Variants in PXN observed in about 807,000 individuals in gnomAD.
PXN encodes the protein testicular tissue protein Li 134.
A neutral mutation model predicts 103.6 loss-of-function variants in PXN; 61 were observed. The ratio of observed to expected loss-of-function variants is 0.59; its 90% CI spans 0.48 to 0.73. The LOEUF is 0.73. Ranked by LOEUF, PXN falls within the 30% of genes least tolerant of loss-of-function variation. PXN has a pLI of 0.00. For missense variants in PXN, 1,274 were observed against 1,460.3 expected (o/e 0.87, Z 2.08); for synonymous variants, 562 against 607.8 (o/e 0.92, Z 1.11).
chr12:120,210,951 C>A lies in PXN; in HGVS notation c.*1363G>T. 6.5e-6 allele frequency: 1 copy of A among 152,828 alleles called. No homozygotes were observed. The highest frequency in any genetic ancestry group is 1.5e-5 in the Non-Finnish European group (1 of 68,162). 9.5% of individuals were successfully genotyped at this position (152,828 alleles called of 1,614,324 possible). Reference sequence around the variant, plus strand: ...CCAGACCCCCTGAGTGCCGATCCCACCTGTGAAAGGGGAGGAGCAGATCTG... The same window carrying A: ...CCAGACCCCCTGAGTGCCGATCCCAACTGTGAAAGGGGAGGAGCAGATCTG... On this transcript the variant is annotated 3_prime_UTR_variant, in exon 15 of 15. Transcript: ENST00000637617.
chr12:120,249,714 C>T (rs1053357971), intron 1 of PXN, among the ~76,000 whole-genome samples: 7 of 152,154 alleles, frequency 4.6e-5, no homozygotes, highest in African/African-American at 1.7e-4. Context: ...AGCTTCTTTC[C>T]GGCTTGGCTG....
rs1422422579 is a variant in PXN, at chr12:120,214,605, G to A, written c.2748+220C>T. Among the ~76,000 whole-genome samples, 1 of 152,162 alleles carries A rather than the reference G, an allele frequency of 6.6e-6. No individual in the cohort carries two copies. The highest frequency in any genetic ancestry group is 2.4e-5 in the African/African-American group (1 of 41,440). ...GAGTCCTGGGAGTCTCCACAGAAAG[G>A]AATCGAGATGGGAGGTGAAGGGAGG... On this transcript the variant is annotated intron_variant, in intron 12 of 14. Transcript: ENST00000637617. This position sits in a 1 kb window ranked among gnomAD's most constrained non-coding sequence, Gnocchi z 5.0.
intron 1 of PXN, among the ~76,000 whole-genome samples, chr12:120,252,813 T>C (rs1892396600): frequency 6.6e-6 from 1 of 151,918 alleles, no homozygotes; most frequent in Admixed American, 6.6e-5. Flanking sequence ...AGAAACGACA[T>C]GTAATGAAAC....
At position 120,265,430 on chromosome 12, in the gene PXN, C is replaced by T. The variant is rs1894552083; in HGVS notation, c.13+187G>A. 6.6e-6 allele frequency among the ~76,000 whole-genome samples: 1 copy of T among 152,040 alleles called. No homozygotes were observed. Among genetic ancestry groups the T allele is most frequent in the Admixed American group, 6.5e-5 (1 of 15,274 alleles). ...GCTGCTGTGCGGTCGGTGCCGGGGC[C>T]GGCCTGGCCCGAGACTAAGGCCCGG... On this transcript the variant is annotated intron_variant, in intron 1 of 14. Coordinates refer to ENST00000637617, the MANE Select transcript of PXN (RefSeq NM_001385981.1). This position sits in a 1 kb window ranked among gnomAD's most constrained non-coding sequence, Gnocchi z 5.7.
chr12:120,250,171 C>G, intron 1 of PXN: 1 of 985,580 alleles, frequency 1.0e-6, no homozygotes, highest in Non-Finnish European at 1.2e-6. Flanking sequence ...AATGGCAAAT[C>G]CAGAGGAAAC....
At chr12:120,245,787 CAA>C (rs1267541953) in intron 1 of PXN, among the ~76,000 whole-genome samples, 10 of 45,152 alleles carry the variant, frequency 2.2e-4, no homozygotes, top group South Asian at 7.2e-4. Flanking sequence ...GACTCCATCT[CAA>C]AAAAAAAAAA....
intron 3 of PXN, among the ~76,000 whole-genome samples, chr12:120,223,388 C>T (rs1036740249): frequency 1.3e-5 from 2 of 151,660 alleles, no homozygotes; most frequent in South Asian, 2.1e-4. Context: ...GAGCCGAGAT[C>T]GCGCGACTGC....
At chr12:120,223,915 G>A (rs925373154) in intron 2 of PXN, 82 bp from the exon 3 acceptor site, 1 of 1,131,562 alleles carries the variant, frequency 8.8e-7, no homozygotes, top group Non-Finnish European at 1.3e-6. Context: ...TCACCCCCAG[G>A]AGGCTCCTGC....
Position 120,212,389 on chromosome 12 carries a change from C to G in PXN, c.3171G>C (p.Gln1057His), listed in dbSNP as rs1880453351. 1 of 1,614,032 alleles carries G rather than the reference C, an allele frequency of 6.2e-7. No individual in the cohort carries two copies. The highest frequency in any genetic ancestry group is 8.5e-7 in the Non-Finnish European group (1 of 1,179,910). The change falls in exon 15 of 15, where the codon CAG (glutamine) becomes CAC (histidine). Residue 1057 changes from glutamine (Q) to histidine (H), a missense_variant. This residue lies in a region of PXN where 96 missense variants were observed against 151.3 expected (regional missense o/e 0.63). Transcript: ENST00000637617. This position sits in a 1 kb window ranked among gnomAD's most constrained non-coding sequence, Gnocchi z 7.2. ...EHFVCAFCLK[Q>H]LNKGTFKEQN... Reference sequence around the variant, plus strand: ...GCTCCTTGAAGGTGCCCTTGTTGAGCTGCTTGAGGCAGAAGGCACAGACGA... The same window carrying G: ...GCTCCTTGAAGGTGCCCTTGTTGAGGTGCTTGAGGCAGAAGGCACAGACGA...
In PXN at chr12:120,242,646, G is replaced by A. The variant is rs550957404; in HGVS notation, c.14-18269C>T. On this transcript the variant is annotated intron_variant, in intron 1 of 14. Transcript: ENST00000637617. The stretch of plus-strand genomic sequence containing the variant: ...CATGCCTGTAATCCCAGCACTTTGC[G>A]AGGCAGAGGCGGGCAGATCACTTGA... 3.2e-3 allele frequency among the ~76,000 whole-genome samples: 488 copies of A among 152,144 alleles called. 2 individuals carry two copies. The highest frequency in any genetic ancestry group is 0.011 in the African/African-American group (465 of 41,522).
In PXN at chr12:120,225,361, G is replaced by A. The variant is rs531316049; in HGVS notation, c.14-984C>T. ...GCTCTCAGCTCCCCGGTAACCTGCT[G>A]GGTCCAGGGAGCTGACAGCTTGATC... On this transcript the variant is annotated intron_variant, in intron 1 of 14. Coordinates refer to ENST00000637617, the MANE Select transcript of PXN (RefSeq NM_001385981.1). This position sits in a 1 kb window ranked among gnomAD's most constrained non-coding sequence, Gnocchi z 4.4. 3.9e-5 allele frequency: 6 copies of A among 153,232 alleles called. No homozygotes were observed. The highest frequency in any genetic ancestry group is 1.4e-4 in the African/African-American group (6 of 41,550). The allele number at this position is 153,232 out of a possible 1,614,324, so 9.5% of individuals were successfully genotyped here. A position where few individuals can be genotyped will look rare whatever the true frequency, so the allele number is the denominator to read the frequency against.
Position 120,259,940 on chromosome 12 carries a change from C to T in PXN, c.13+5677G>A, listed in dbSNP as rs116013185. 3.2e-3 allele frequency among the ~76,000 whole-genome samples: 483 copies of T among 152,322 alleles called. 3 individuals carry two copies. The highest frequency in any genetic ancestry group is 0.011 in the African/African-American group (464 of 41,574). On this transcript the variant is annotated intron_variant, in intron 1 of 14. Transcript: ENST00000637617. ...CTCCACCATAAAGTTTTCAACAACTCCCTCCTCTGGATACGGGAAAGACAA... is the reference window on the plus strand; with the variant it reads ...CTCCACCATAAAGTTTTCAACAACTTCCTCCTCTGGATACGGGAAAGACAA...
intron 7 of PXN, among the ~76,000 whole-genome samples, chr12:120,218,316 T>G (rs2136235715): frequency 1.3e-5 from 2 of 152,310 alleles, no homozygotes; most frequent in South Asian, 4.1e-4. Flanking sequence ...AGTGCTAGGA[T>G]TACAGGTATA....
At chr12:120,261,988 A>T (rs1456869373) in intron 1 of PXN, among the ~76,000 whole-genome samples, 1 of 152,182 alleles carries the variant, frequency 6.6e-6, no homozygotes, top group Non-Finnish European at 1.5e-5. Context: ...GCCCACCAGG[A>T]GGGCACTATC....
rs531853530 is a variant in PXN at position 120,216,855 on chromosome 12, G to GC, written c.1977dup (p.Gln660AlafsTer75). 1.0e-4 allele frequency: 156 copies of GC among 1,509,158 alleles called. 1 individual carries two copies. The South Asian group carries it at 1.6e-3, about 15-fold the overall frequency. 93.5% of individuals were successfully genotyped at this position (1,509,158 alleles called of 1,614,324 possible). ...CTCCTCGCCACCTTCTCTACGAGCT[G>GC]CCCCCCGGCCCGCTTCCCACGTGGC... On this transcript the variant is annotated frameshift_variant, in exon 8 of 15. Coordinates refer to ENST00000637617, the MANE Select transcript of PXN (RefSeq NM_001385981.1). LOFTEE classifies it high-confidence loss of function. The surrounding 1 kb of genome is among the most constrained non-coding windows in gnomAD (Gnocchi z 5.1).
intron 1 of PXN, among the ~76,000 whole-genome samples, chr12:120,230,705 C>T (rs751765809): frequency 6.6e-6 from 1 of 151,788 alleles, no homozygotes; most frequent in Non-Finnish European, 1.5e-5. Flanking sequence ...TAATCTAATC[C>T]GCAGCGGGGT....
In PXN at chr12:120,223,776, G is replaced by A. The variant is rs1428779969; in HGVS notation, c.298C>T (p.Pro100Ser). 6.2e-7 allele frequency: 1 copy of A among 1,610,356 alleles called. No individual in the cohort carries two copies. The change falls in exon 3 of 15, where the codon CCT becomes TCT. Residue 100 changes from proline to serine, a missense_variant. Pro to Ser is a moderately conservative substitution (Grantham distance 74). Transcript: ENST00000637617. Reference protein sequence around the residue: ...SSAKTSSVSNPQDSVGSPCSR... With the variant: ...SSAKTSSVSNSQDSVGSPCSR... ...CACGGAGAGCCAACACTGTCCTGAG[G>A]GTTGGAGACACTGGAAGTTTTGGCA...
At chr12:120,236,399 A>G (rs997240119) in intron 1 of PXN, among the ~76,000 whole-genome samples, 2 of 151,878 alleles carry the variant, frequency 1.3e-5, no homozygotes, top group Non-Finnish European at 2.9e-5. Context: ...GCTCACTGCA[A>G]TCTCCACCTC....
rs757003879 is a variant in PXN at position 120,265,671 on chromosome 12, C to T, written c.-42G>A. On this transcript the variant is annotated 5_prime_UTR_variant, in exon 1 of 15. Transcript: ENST00000637617. This position sits in a 1 kb window ranked among gnomAD's most constrained non-coding sequence, Gnocchi z 5.7. The stretch of plus-strand genomic sequence containing the variant: ...CCGGCTCAGGGTCGCGCTAGCTGCC[C>T]GTCCCGGGGCCGCTCGTCTATGCCC... 10 of 1,438,422 alleles carry T rather than the reference C, an allele frequency of 7.0e-6. 1 individual carries two copies. Among genetic ancestry groups the T allele is most frequent in the Non-Finnish European group, 9.1e-6 (10 of 1,097,492 alleles). The allele number at this position is 1,438,422 out of a possible 1,614,324, so 89.1% of individuals were successfully genotyped here. A position where few individuals can be genotyped will look rare whatever the true frequency, so the allele number is the denominator to read the frequency against.
Sources: gnomAD v4.1 joint callset for allele counts (sites outside exome capture counted in the v4.1 genomes callset) on GRCh38, gnomAD v4.1.1 for gene constraint, gnomAD v4.1.1 regional missense constraint, Gnocchi (gnomAD v3.1) non-coding constraint, MANE v1.5 for transcripts, NCBI Gene and HGNC (gene_info 2026-07-23, HGNC 2026-07-21) for gene names.